DTNBP1: variants seen among roughly 807,000 people sequenced by gnomAD.
DTNBP1 encodes dysbindin.
A neutral mutation model predicts 42.8 loss-of-function variants in DTNBP1; 35 were observed. The ratio of observed to expected loss-of-function variants is 0.82; its 90% CI spans 0.63 to 1.09. The LOEUF is 1.09. Ranked by LOEUF, DTNBP1 falls within the 50% of genes least tolerant of loss-of-function variation. The pLI is 0.00. For missense variants in DTNBP1, 457 were observed against 424.2 expected (o/e 1.08, Z -0.68); for synonymous variants, 171 against 162.2 (o/e 1.05, Z -0.41).
At chr6:15,624,269 T>G (rs944812684) in intron 5 of DTNBP1, among the ~76,000 whole-genome samples, 4 of 152,200 alleles carry the variant, frequency 2.6e-5, no homozygotes, top group African/African-American at 9.7e-5. Context: ...GGAAGTTGGA[T>G]TGGGAGCCAA....
At chr6:15,581,145 AAAG>A (rs1775810765) in intron 7 of DTNBP1, among the ~76,000 whole-genome samples, 1 of 152,190 alleles carries the variant, frequency 6.6e-6, no homozygotes, top group Non-Finnish European at 1.5e-5. Flanking sequence ...CAATGGCTAG[AAAG>A]AAGTAGAAAA....
At chr6:15,615,667 A>T (rs1262113827) in intron 5 of DTNBP1, among the ~76,000 whole-genome samples, 3 of 152,236 alleles carry the variant, frequency 2.0e-5, no homozygotes, top group Admixed American at 6.5e-5. Context: ...ATGGAGAAAC[A>T]TTATCTTGAT....
In DTNBP1 at chr6:15,661,394, A is replaced by T. The variant is rs554823309; in HGVS notation, c.56+1420T>A. Among the ~76,000 whole-genome samples, 7 of 152,048 alleles carry T rather than the reference A, an allele frequency of 4.6e-5. No homozygotes were observed. In the East Asian group the frequency reaches 1.2e-3, roughly 25 times the overall value. ...GGGAGGGTGGGCCGGGAACGGTGGC[A>T]CACGCCTGTAATCCCAGCACTTTGG... On this transcript the variant is annotated intron_variant, in intron 1 of 9. Coordinates refer to ENST00000344537, the MANE Select transcript of DTNBP1 (RefSeq NM_032122.5).
At chr6:15,523,888 C>G (rs979597088) in intron 9 of DTNBP1, 21 of 1,287,112 alleles carry the variant, frequency 1.6e-5, no homozygotes, top group Non-Finnish European at 2.0e-5. Flanking sequence ...AATGGTAGAA[C>G]CTTCTACAGA....
At chr6:15,609,522 T>C (rs1380786277) in intron 6 of DTNBP1, among the ~76,000 whole-genome samples, 1 of 152,132 alleles carries the variant, frequency 6.6e-6, no homozygotes, top group Non-Finnish European at 1.5e-5. Context: ...GTTTTCACCA[T>C]GTTAGCCAGG....
intron 8 of DTNBP1, among the ~76,000 whole-genome samples, chr6:15,532,539 A>G (rs1215930185): frequency 6.6e-6 from 1 of 152,168 alleles, no homozygotes; most frequent in Non-Finnish European, 1.5e-5. Context: ...CGGTCCAGTC[A>G]GATACCAATT....
intron 7 of DTNBP1, among the ~76,000 whole-genome samples, chr6:15,573,691 CTGTTT>C (rs1775435782): frequency 6.6e-6 from 1 of 151,752 alleles, no homozygotes. Flanking sequence ...CCTTTGTTTT[CTGTTT>C]TGTTTTGTTT....
At chr6:15,602,916 G>A (rs1254121066) in intron 6 of DTNBP1, among the ~76,000 whole-genome samples, 1 of 152,160 alleles carries the variant, frequency 6.6e-6, no homozygotes, top group Admixed American at 6.5e-5. Context: ...CAGTTAGAGA[G>A]ACATTTATTA....
intron 7 of DTNBP1, among the ~76,000 whole-genome samples, chr6:15,566,934 G>A (rs574963048): frequency 5.7e-4 from 87 of 152,134 alleles, no homozygotes; most frequent in African/African-American, 1.9e-3. Flanking sequence ...CAGGTGATTC[G>A]CCGGCCTCAG....
chr6:15,608,269 T>G (rs1758188639), intron 6 of DTNBP1, among the ~76,000 whole-genome samples: 1 of 145,340 alleles, frequency 6.9e-6, no homozygotes, highest in South Asian at 2.1e-4. Context: ...GTTTGCTTGG[T>G]TTAAAAAAAA....
chr6:15,523,615 G>T (rs1772097749), intron 9 of DTNBP1: 1 of 1,286,388 alleles, frequency 7.8e-7, no homozygotes, highest in Admixed American at 2.3e-5. Context: ...TGCTGAGAAA[G>T]TCGGAATTAC....
chr6:15,632,223 T>C (rs1463478725), intron 4 of DTNBP1, among the ~76,000 whole-genome samples: 1 of 152,198 alleles, frequency 6.6e-6, no homozygotes, highest in Non-Finnish European at 1.5e-5. Context: ...TTTCACGGTG[T>C]TGTTTGATTA....
intron 6 of DTNBP1, among the ~76,000 whole-genome samples, chr6:15,601,634 G>C (rs1398453150): frequency 6.6e-6 from 1 of 151,710 alleles, no homozygotes; most frequent in African/African-American, 2.4e-5. Flanking sequence ...ACCTGAGGTC[G>C]GGGGTTCAAG....
At chr6:15,570,742 C>G (rs1775305076) in intron 7 of DTNBP1, among the ~76,000 whole-genome samples, 1 of 152,178 alleles carries the variant, frequency 6.6e-6, no homozygotes, top group Admixed American at 6.5e-5. Flanking sequence ...ATTATACTCA[C>G]AGCTTTTTGT....
intron 8 of DTNBP1, 74 bp downstream of exon 8, chr6:15,533,166 T>A (rs1772982448): frequency 1.0e-5 from 16 of 1,599,822 alleles, no homozygotes; most frequent in Non-Finnish European, 1.4e-5. Flanking sequence ...CATGCCCTGC[T>A]CTGGGGAGAG....
intron 7 of DTNBP1, among the ~76,000 whole-genome samples, chr6:15,550,567 C>G (rs1411799522): frequency 6.6e-6 from 1 of 152,332 alleles, no homozygotes; most frequent in East Asian, 1.9e-4. Context: ...ACAGCCAAAT[C>G]TCAGCATGCT....
chr6:15,549,256 G>A (rs1463588223), intron 7 of DTNBP1, among the ~76,000 whole-genome samples: 1 of 152,046 alleles, frequency 6.6e-6, no homozygotes, highest in African/African-American at 2.4e-5. Context: ...GGAGGCCGAG[G>A]CAGGCAGATC....
At chr6:15,595,120 C>A (rs1286679992) in intron 6 of DTNBP1, 9 of 456,492 alleles carry the variant, frequency 2.0e-5, no homozygotes, top group South Asian at 1.4e-4. Flanking sequence ...AACTCCACAA[C>A]TGTCAGCGAA....
intron 7 of DTNBP1, chr6:15,585,847 C>A: frequency 6.8e-7 from 1 of 1,480,362 alleles, no homozygotes; most frequent in South Asian, 1.3e-5. Context: ...TCACGTGCAT[C>A]TTCTGGGATG....
Sources: allele counts gnomAD v4.1 joint callset (sites outside exome capture counted in the v4.1 genomes callset), GRCh38; gene constraint gnomAD v4.1.1; transcripts MANE v1.5; gene names NCBI Gene and HGNC (gene_info 2026-07-23, HGNC 2026-07-21).